The following FRMD4A variants were observed in gnomAD, a reference collection of about 807,000 sequenced individuals.
FRMD4A encodes FERM domain-containing protein 4A.
FRMD4A carries 29 observed loss-of-function variants against 129.1 expected under a neutral mutation model. That is an observed-to-expected ratio of 0.22 (90% CI 0.17 to 0.31). The LOEUF (loss-of-function observed/expected upper bound fraction) is 0.31. Among genes scored for constraint, FRMD4A ranks in the 10% least tolerant of loss-of-function variants. FRMD4A has a pLI of 1.00. For synonymous variants in FRMD4A, 634 were observed against 571.6 expected (o/e 1.11, Z -1.56); for missense variants, 1,272 against 1,375.8 (o/e 0.92, Z 1.19).
At chr10:14,008,454 G>A in intron 2 of FRMD4A, 1 of 998,796 alleles carries the variant, frequency 1.0e-6, no homozygotes, top group Non-Finnish European at 1.2e-6. Context: ...CAGCGAGACT[G>A]CCGTGTCCCG....
chr10:14,156,480 A>T (rs1840609537), intron 2 of FRMD4A, among the ~76,000 whole-genome samples: 1 of 152,210 alleles, frequency 6.6e-6, no homozygotes, highest in African/African-American at 2.4e-5. Flanking sequence ...TTTTATTACA[A>T]ACATATTTGT....
chr10:14,213,463 G>C (rs967867490), intron 2 of FRMD4A, among the ~76,000 whole-genome samples: 1 of 152,156 alleles, frequency 6.6e-6, no homozygotes, highest in Non-Finnish European at 1.5e-5. Flanking sequence ...AGGCCACACA[G>C]ACAGTCATCA....
chr10:13,935,589 T>C (rs1248089699), intron 2 of FRMD4A, among the ~76,000 whole-genome samples: 2 of 152,032 alleles, frequency 1.3e-5, no homozygotes, highest in Non-Finnish European at 2.9e-5. Context: ...TCCAGAAAAC[T>C]GATAAAGACA....
At chr10:14,200,347 G>A (rs1037993911) in intron 2 of FRMD4A, among the ~76,000 whole-genome samples, 2 of 151,316 alleles carry the variant, frequency 1.3e-5, no homozygotes, top group Non-Finnish European at 3.0e-5. Flanking sequence ...AGGCTGGAGT[G>A]CAGTGGTGCA....
chr10:14,129,233 C>G (rs1211721765), intron 2 of FRMD4A, among the ~76,000 whole-genome samples: 3 of 151,596 alleles, frequency 2.0e-5, no homozygotes, highest in Non-Finnish European at 4.4e-5. Flanking sequence ...TACCGTATAT[C>G]TAGTTAGCAA....
intron 12 of FRMD4A, among the ~76,000 whole-genome samples, chr10:13,713,759 G>GTA (rs1203162211): frequency 4.2e-5 from 6 of 141,314 alleles, no homozygotes; most frequent in Admixed American, 7.6e-5. Context: ...ACAGAAGTAG[G>GTA]TATATATACA....
intron 2 of FRMD4A, among the ~76,000 whole-genome samples, chr10:14,215,537 G>T (rs1843048051): frequency 6.6e-6 from 1 of 152,068 alleles, no homozygotes; most frequent in Non-Finnish European, 1.5e-5. Flanking sequence ...TTTATACTTT[G>T]CAGGCTCTCC....
chr10:13,754,289 C>CA (rs35858288), intron 8 of FRMD4A, among the ~76,000 whole-genome samples: 81,610 of 149,754 alleles, frequency 0.54, 22,232 homozygotes, highest in East Asian at 0.66. Context: ...TATCATCCTG[C>CA]AAAAAAAAAA....
intron 2 of FRMD4A, among the ~76,000 whole-genome samples, chr10:14,303,094 C>A (rs1199717885): frequency 6.6e-6 from 1 of 152,204 alleles, no homozygotes; most frequent in African/African-American, 2.4e-5. Context: ...CATGGTAGAA[C>A]TCCCTAGAGA....
intron 2 of FRMD4A, among the ~76,000 whole-genome samples, chr10:14,205,632 C>T (rs535653293): frequency 6.6e-6 from 1 of 151,856 alleles, no homozygotes; most frequent in Admixed American, 6.6e-5. Flanking sequence ...CTTGGTGACA[C>T]CCTGTCTCTA....
intron 2 of FRMD4A, among the ~76,000 whole-genome samples, chr10:14,309,031 T>C (rs1846447362): frequency 6.6e-6 from 1 of 152,208 alleles, no homozygotes; most frequent in African/African-American, 2.4e-5. Flanking sequence ...TCCGTTTTTG[T>C]TGAAAAAATA....
At chr10:13,731,167 T>A (rs1254778194) in intron 12 of FRMD4A, among the ~76,000 whole-genome samples, 6 of 151,994 alleles carry the variant, frequency 3.9e-5, no homozygotes, top group Admixed American at 2.6e-4. Flanking sequence ...ACCGTAGCCA[T>A]GACAAAGGAG....
At chr10:14,038,212 T>G (rs9663231) in intron 2 of FRMD4A, among the ~76,000 whole-genome samples, 1 of 151,910 alleles carries the variant, frequency 6.6e-6, no homozygotes. Flanking sequence ...AGTCCCAGCT[T>G]CTCGGGAGGC....
At chr10:13,695,330 G>A (rs895432333) in intron 14 of FRMD4A, among the ~76,000 whole-genome samples, 4 of 152,010 alleles carry the variant, frequency 2.6e-5, no homozygotes, top group African/African-American at 7.3e-5. Flanking sequence ...TAGTAGAGAC[G>A]GGGTTTTGCC....
intron 2 of FRMD4A, among the ~76,000 whole-genome samples, chr10:14,250,418 C>T (rs755188659): frequency 5.3e-5 from 8 of 152,190 alleles, no homozygotes; most frequent in Non-Finnish European, 1.0e-4. Context: ...CTGTTGCCTC[C>T]TCTACTTTTT....
chr10:13,940,135 C>T (rs889425487), intron 2 of FRMD4A, among the ~76,000 whole-genome samples: 3 of 151,718 alleles, frequency 2.0e-5, no homozygotes, highest in East Asian at 1.9e-4. Context: ...TTTCAGTTTC[C>T]CCAAGTACTC....
chr10:13,877,794 C>A (rs1437690863), intron 2 of FRMD4A, among the ~76,000 whole-genome samples: 4 of 152,196 alleles, frequency 2.6e-5, no homozygotes, highest in African/African-American at 7.2e-5. Context: ...CACTGGCTGG[C>A]TGCCCCATGA....
chr10:14,029,474 T>G (rs555014338), intron 2 of FRMD4A, among the ~76,000 whole-genome samples: 10 of 152,292 alleles, frequency 6.6e-5, no homozygotes, highest in African/African-American at 1.9e-4. Context: ...TCAACCAATC[T>G]CTATTAAGGA....
rs79861620 is a variant in FRMD4A at position 14,090,965 on chromosome 10, C to A, written c.46-232053G>T. Among the ~76,000 whole-genome samples the A allele has an allele frequency of 8.1e-3, 1,232 of 152,006 alleles. 81 individuals carry two copies. In the East Asian group the frequency reaches 0.16, roughly 20 times the overall value. On this transcript the variant is annotated intron_variant, in intron 2 of 24. Coordinates refer to ENST00000357447, the MANE Select transcript of FRMD4A (RefSeq NM_018027.5). The stretch of plus-strand genomic sequence containing the variant: ...CCGGGACCATAGGCACACACCACCA[C>A]GCCCAGCTCAAACTAACATTTGACT...
Sources: gnomAD v4.1 joint callset for allele counts (sites outside exome capture counted in the v4.1 genomes callset) on GRCh38, gnomAD v4.1.1 for gene constraint, MANE v1.5 for transcripts, NCBI Gene and HGNC (gene_info 2026-07-23, HGNC 2026-07-21) for gene names.